KCNA2: variants seen among roughly 807,000 people sequenced by gnomAD.
KCNA2 encodes the protein potassium voltage-gated channel subfamily A member 2, also known as potassium channel, voltage gated shaker related subfamily A, member 2.
A neutral mutation model predicts 33.4 loss-of-function variants in KCNA2; 11 were observed. The observed-to-expected ratio is 0.33, with a 90% CI of 0.21 to 0.55. KCNA2 has a LOEUF of 0.55. Among genes scored for constraint, KCNA2 ranks in the 20% least tolerant of loss-of-function variants. KCNA2 has a pLI of 0.93. For synonymous variants in KCNA2, 222 were observed against 231.3 expected (o/e 0.96, Z 0.37); for missense variants, 291 against 621.6 (o/e 0.47, Z 5.66).
At chr1:110,610,998 A>T (rs1649846775), upstream of KCNA2, among the ~76,000 whole-genome samples, 1 of 149,930 alleles carries the variant, frequency 6.7e-6, no homozygotes, top group African/African-American at 2.5e-5. Flanking sequence ...CCCTTGCTTC[A>T]TAGGGCTTAA....
At chr1:110,628,651 T>C (rs960078721) in intron 1 of KCNA2, among the ~76,000 whole-genome samples, 4 of 152,156 alleles carry the variant, frequency 2.6e-5, no homozygotes, top group African/African-American at 9.7e-5. Flanking sequence ...TATTTGTTGG[T>C]TGAGGCGTCT....
At chr1:110,627,128 C>T (rs1650415801) in intron 1 of KCNA2, among the ~76,000 whole-genome samples, 2 of 152,172 alleles carry the variant, frequency 1.3e-5, no homozygotes, top group Non-Finnish European at 2.9e-5. Flanking sequence ...GGTGCAGCAC[C>T]ACGACCAAAA....
chr1:110,621,611 G>GA (rs1351084351), intron 1 of KCNA2, among the ~76,000 whole-genome samples: 1 of 151,800 alleles, frequency 6.6e-6, no homozygotes. Context: ...AGTCTAACCA[G>GA]AAAAAAAGAG....
chr1:110,627,414 G>A (rs1320666630), intron 1 of KCNA2, among the ~76,000 whole-genome samples: 2 of 152,172 alleles, frequency 1.3e-5, no homozygotes, highest in African/African-American at 4.8e-5. Flanking sequence ...CCATGTTGAA[G>A]TCTCCCTCCC....
rs1405624897 is a variant in KCNA2, at chr1:110,602,490, C to T, written c.*793G>A. 6.0e-6 allele frequency: 7 copies of T among 1,165,732 alleles called. No individual in the cohort carries two copies. Among genetic ancestry groups the T allele is most frequent in the African/African-American group, 1.6e-5 (1 of 63,224 alleles). 72.2% of individuals were successfully genotyped at this position (1,165,732 alleles called of 1,614,324 possible). On this transcript the variant is annotated 3_prime_UTR_variant, in exon 3 of 3. Transcript: ENST00000316361. ...CAGTGGGAAAGCAGATGTCTGCAAA[C>T]TCCAGTAAGAAACCAGACATGTTTT...
chr1:110,594,024 C>T lies in KCNA2; in HGVS notation c.*9259G>A. The T allele has an allele frequency of 6.5e-7, 1 of 1,535,050 alleles. No individual in the cohort carries two copies. Among genetic ancestry groups the T allele is most frequent in the Non-Finnish European group, 8.8e-7 (1 of 1,140,570 alleles). On this transcript the variant is annotated 3_prime_UTR_variant, in exon 3 of 3. Transcript: ENST00000316361. ...CTCCGCCTTCAGCTCTCATTGGTCC[C>T]CAGCCTCTTATCACCATGGAGACCC...
rs568842396 is a variant in KCNA2, at chr1:110,598,126, G to A, written c.*5157C>T. Reference sequence around the variant, plus strand: ...AGGTTAAGGTCATGAGTTCAAACCCGGCAATGGATACCTTGCCAAGGCTAG... The same window carrying A: ...AGGTTAAGGTCATGAGTTCAAACCCAGCAATGGATACCTTGCCAAGGCTAG... On this transcript the variant is annotated 3_prime_UTR_variant, in exon 3 of 3. Transcript: ENST00000316361. 116 of 934,104 alleles carry A rather than the reference G, an allele frequency of 1.2e-4. 3 individuals are homozygous for A. In the South Asian group the frequency reaches 2.8e-3, roughly 22 times the overall value. 57.9% of individuals were successfully genotyped at this position (934,104 alleles called of 1,614,324 possible). A position where few individuals can be genotyped will look rare whatever the true frequency, so the allele number is the denominator to read the frequency against.
intron 1 of KCNA2, among the ~76,000 whole-genome samples, chr1:110,612,271 G>C (rs1422024286): frequency 1.3e-5 from 2 of 152,172 alleles, no homozygotes; most frequent in Non-Finnish European, 2.9e-5. Context: ...AAACATCGTA[G>C]AGTGTACTTA....
intron 1 of KCNA2, among the ~76,000 whole-genome samples, chr1:110,630,845 A>G (rs1311953240): frequency 6.6e-6 from 1 of 152,156 alleles, no homozygotes; most frequent in African/African-American, 2.4e-5. Context: ...AGCCTCAGCA[A>G]ACTCCAGTAT....
chr1:110,611,018 G>GAGGAAGGAAGGAAGGAAGGA (rs59353690), upstream of KCNA2, among the ~76,000 whole-genome samples: 104 of 144,246 alleles, frequency 7.2e-4, 1 homozygote, highest in South Asian at 0.012. Flanking sequence ...AAGACAGAAT[G>GAGGAAGGAAGGAAGGAAGGA]AGGAAGGAAG....
intron 1 of KCNA2, among the ~76,000 whole-genome samples, chr1:110,614,902 A>G (rs1649999935): frequency 6.6e-6 from 1 of 152,174 alleles, no homozygotes; most frequent in East Asian, 1.9e-4. Context: ...CCGTTACCCC[A>G]ACACATGTCA....
chr1:110,598,828 T>G lies in KCNA2; in HGVS notation c.*4455A>C, dbSNP rs1188981875. On this transcript the variant is annotated 3_prime_UTR_variant, in exon 3 of 3. Coordinates refer to ENST00000316361, the MANE Select transcript of KCNA2 (RefSeq NM_004974.4). ...AAGCACAGAGCCTTAATTATTTTCTTAATTAAATGTTGGCTCCTAAAAAGT... is the reference window on the plus strand; with the variant it reads ...AAGCACAGAGCCTTAATTATTTTCTGAATTAAATGTTGGCTCCTAAAAAGT... 7.1e-6 allele frequency: 7 copies of G among 985,276 alleles called. No homozygotes were observed. Among genetic ancestry groups the G allele is most frequent in the Non-Finnish European group, 7.2e-6 (6 of 829,900 alleles). 61.0% of individuals were successfully genotyped at this position (985,276 alleles called of 1,614,324 possible).
In KCNA2 at chr1:110,594,329, GTA is replaced by G. The variant is rs1242430956; in HGVS notation, c.*8952_*8953del. The G allele has an allele frequency of 1.7e-4, 149 of 875,024 alleles. No individual in the cohort carries two copies. Among genetic ancestry groups the G allele is most frequent in the South Asian group, 2.1e-4 (4 of 18,880 alleles). The allele number at this position is 875,024 out of a possible 1,614,324, so 54.2% of individuals were successfully genotyped here. A position where few individuals can be genotyped will look rare whatever the true frequency, so the allele number is the denominator to read the frequency against. ...TATACATATATATATATATGTGTGT[GTA>G]TATATATATACACACACATCACACA... is the stretch of plus-strand genomic sequence containing the variant. On this transcript the variant is annotated 3_prime_UTR_variant, in exon 3 of 3. Coordinates refer to ENST00000316361, the MANE Select transcript of KCNA2 (RefSeq NM_004974.4).
Position 110,604,973 on chromosome 1 carries a change from G to T in KCNA2, c.-163-28C>A. 1 of 597,622 alleles carries T rather than the reference G, an allele frequency of 1.7e-6. No individual in the cohort carries two copies. The highest frequency in any genetic ancestry group is 2.9e-6 in the Non-Finnish European group (1 of 341,860). 37.0% of individuals were successfully genotyped at this position (597,622 alleles called of 1,614,324 possible). On this transcript the variant is annotated intron_variant, in intron 2 of 2. Coordinates refer to ENST00000316361, the MANE Select transcript of KCNA2 (RefSeq NM_004974.4). The surrounding 1 kb of genome is among the most constrained non-coding windows in gnomAD (Gnocchi z 7.6). ...GAAAGACAGAGGCAGTTATTGACAT[G>T]AGGCTACTCAGCATTGGCAGCCTGA...
At position 110,601,312 on chromosome 1, in the gene KCNA2, A is replaced by C; in HGVS notation, c.*1971T>G. 1 of 985,344 alleles carries C rather than the reference A, an allele frequency of 1.0e-6. No homozygotes were observed. Among genetic ancestry groups the C allele is most frequent in the Non-Finnish European group, 1.2e-6 (1 of 829,902 alleles). 61.0% of individuals were successfully genotyped at this position (985,344 alleles called of 1,614,324 possible). A position where few individuals can be genotyped will look rare whatever the true frequency, so the allele number is the denominator to read the frequency against. Reference sequence around the variant, plus strand: ...GCTCCCTTTAGGTCCAGATCAGTGGAATTTGGTCCCAGGGAGTCCTACTCC... The same window carrying C: ...GCTCCCTTTAGGTCCAGATCAGTGGCATTTGGTCCCAGGGAGTCCTACTCC... On this transcript the variant is annotated 3_prime_UTR_variant, in exon 3 of 3. Transcript: ENST00000316361.
Position 110,599,494 on chromosome 1 carries a change from T to C in KCNA2, c.*3789A>G, listed in dbSNP as rs1649244819. 6 of 984,898 alleles carry C rather than the reference T, an allele frequency of 6.1e-6. No homozygotes were observed. The highest frequency in any genetic ancestry group is 6.0e-6 in the Non-Finnish European group (5 of 829,812). The allele number at this position is 984,898 out of a possible 1,614,324, so 61.0% of individuals were successfully genotyped here. A position where few individuals can be genotyped will look rare whatever the true frequency, so the allele number is the denominator to read the frequency against. ...AGGAAAAGGAAGAGCGTGCCCGGGA[T>C]TGAACACACCCAGAGGGGAATCAGG... On this transcript the variant is annotated 3_prime_UTR_variant, in exon 3 of 3. Transcript: ENST00000316361.
upstream of KCNA2, among the ~76,000 whole-genome samples, chr1:110,610,753 C>T (rs191122635): frequency 1.7e-4 from 26 of 152,234 alleles, no homozygotes; most frequent in East Asian, 4.6e-3. Context: ...GGCAACCTGA[C>T]CTCACAGGCA....
Position 110,600,536 on chromosome 1 carries a change from G to A in KCNA2, c.*2747C>T, listed in dbSNP as rs550778019. On this transcript the variant is annotated 3_prime_UTR_variant, in exon 3 of 3. Transcript: ENST00000316361. Reference sequence around the variant, plus strand: ...GCTTTTATGTTAACCTGGTCTGTCTGTATTTTGCACGTTACATGTTTTATG... The same window carrying A: ...GCTTTTATGTTAACCTGGTCTGTCTATATTTTGCACGTTACATGTTTTATG... The A allele has an allele frequency of 2.9e-4, 290 of 985,074 alleles. No homozygotes were observed. Among genetic ancestry groups the A allele is most frequent in the Non-Finnish European group, 3.4e-4 (281 of 829,884 alleles). The allele number at this position is 985,074 out of a possible 1,614,324, so 61.0% of individuals were successfully genotyped here.
At position 110,602,361 on chromosome 1, in the gene KCNA2, T is replaced by G. The variant is rs1292226713; in HGVS notation, c.*922A>C. ...TGTGTAGGCTACTAGGAAAATAGGT[T>G]ATCTCCTGTGTTTTAAATATTGAGA... is the stretch of plus-strand genomic sequence containing the variant. On this transcript the variant is annotated 3_prime_UTR_variant, in exon 3 of 3. Coordinates refer to ENST00000316361, the MANE Select transcript of KCNA2 (RefSeq NM_004974.4). 1 of 1,412,554 alleles carries G rather than the reference T, an allele frequency of 7.1e-7. No individual in the cohort carries two copies. Among genetic ancestry groups the G allele is most frequent in the Non-Finnish European group, 9.2e-7 (1 of 1,088,658 alleles). The allele number at this position is 1,412,554 out of a possible 1,614,324, so 87.5% of individuals were successfully genotyped here.
Sources: allele counts gnomAD v4.1 joint callset (sites outside exome capture counted in the v4.1 genomes callset), GRCh38; gene constraint gnomAD v4.1.1; non-coding constraint Gnocchi (gnomAD v3.1); transcripts MANE v1.5; gene names NCBI Gene and HGNC (gene_info 2026-07-23, HGNC 2026-07-21).